The following GLDC variants were observed in gnomAD, a reference collection of about 807,000 sequenced individuals.
The protein encoded by GLDC is glycine dehydrogenase (decarboxylating), mitochondrial.
In GLDC, 104 loss-of-function variants were observed where a neutral mutation model predicts 121.3. The ratio of observed to expected loss-of-function variants is 0.86; its 90% CI spans 0.73 to 1.01. GLDC has a LOEUF of 1.01. Among genes scored for constraint, GLDC ranks in the 50% least tolerant of loss-of-function variants. The pLI is 0.00. For missense variants in GLDC, 1,429 were observed against 1,306.6 expected, an observed-to-expected ratio of 1.09 and a Z score of -1.44; for synonymous variants, 546 against 480.6, an observed-to-expected ratio of 1.14 and a Z score of -1.78.
At chr9:6,572,875 T>A (rs180784823) in intron 15 of GLDC, among the ~76,000 whole-genome samples, 2 of 152,338 alleles carry the variant, frequency 1.3e-5, no homozygotes, top group Admixed American at 6.5e-5. Context: ...TGGCACATAC[T>A]GTTAAATGTT....
At chr9:6,581,133 C>T (rs549364897) in intron 15 of GLDC, among the ~76,000 whole-genome samples, 1 of 152,312 alleles carries the variant, frequency 6.6e-6, no homozygotes, top group African/African-American at 2.4e-5. Context: ...GGGGTGAAGC[C>T]TTCAACAAAT....
chr9:6,537,814 G>GA (rs1331912722), intron 22 of GLDC, among the ~76,000 whole-genome samples: 2 of 151,926 alleles, frequency 1.3e-5, no homozygotes, highest in African/African-American at 2.4e-5. Flanking sequence ...CAGATGAGTT[G>GA]AAAGGACTGT....
At chr9:6,548,941 CCTT>C (rs1563832686) in intron 21 of GLDC, among the ~76,000 whole-genome samples, 2 of 152,150 alleles carry the variant, frequency 1.3e-5, no homozygotes, top group African/African-American at 4.8e-5. Flanking sequence ...GCCCCCTCCT[CCTT>C]CACTACCTGC....
chr9:6,563,716 G>A (rs1817800962), intron 16 of GLDC, among the ~76,000 whole-genome samples: 1 of 152,208 alleles, frequency 6.6e-6, no homozygotes, highest in Non-Finnish European at 1.5e-5. Flanking sequence ...AACTGTGGGG[G>A]AATTTCAGGG....
chr9:6,588,275 G>A, intron 14 of GLDC, 126 bp downstream of exon 14: 1 of 795,744 alleles, frequency 1.3e-6, no homozygotes, highest in Non-Finnish European at 2.3e-6. Flanking sequence ...GCAAGGTAAA[G>A]AATTATTAAA....
At chr9:6,556,786 T>A (rs533271335) in intron 17 of GLDC, among the ~76,000 whole-genome samples, 6 of 134,708 alleles carry the variant, frequency 4.5e-5, no homozygotes, top group Non-Finnish European at 7.8e-5. Context: ...AGAGAGAGAC[T>A]CCACGTCAAA....
intron 22 of GLDC, 77 bp downstream of exon 22, chr9:6,539,974 C>T (rs907092272): frequency 1.4e-5 from 13 of 923,192 alleles, no homozygotes; most frequent in Non-Finnish European, 2.4e-5. Flanking sequence ...ACTGTGGTGC[C>T]TGCATTTTCC....
rs749610517 is a variant in GLDC at position 6,536,016 on chromosome 9, T to C, written c.2838+48A>G. 2.6e-6 allele frequency: 4 copies of C among 1,512,184 alleles called. No homozygotes were observed. In the South Asian group the frequency reaches 4.5e-5, roughly 17 times the overall value. 93.7% of individuals were successfully genotyped at this position (1,512,184 alleles called of 1,614,324 possible). A position where few individuals can be genotyped will look rare whatever the true frequency, so the allele number is the denominator to read the frequency against. On this transcript the variant is annotated intron_variant, in intron 23 of 24. Coordinates refer to ENST00000321612, the MANE Select transcript of GLDC (RefSeq NM_000170.3). ...TTGCTGGTACACTGTCCAGACATCA[T>C]TTTCTAGTTTAAGGAACATTTCAAG... is the stretch of plus-strand genomic sequence containing the variant.
intron 15 of GLDC, among the ~76,000 whole-genome samples, chr9:6,568,303 T>C (rs939776152): frequency 6.6e-6 from 1 of 152,226 alleles, no homozygotes; most frequent in African/African-American, 2.4e-5. Context: ...TACTGGGGCA[T>C]TAGTAAAACA....
At chr9:6,607,079 T>A (rs186426965) in intron 4 of GLDC, among the ~76,000 whole-genome samples, 314 of 151,346 alleles carry the variant, frequency 2.1e-3, no homozygotes, top group African/African-American at 5.9e-3. Context: ...AAAAAAAATT[T>A]AAAAAAAAAT....
intron 8 of GLDC, among the ~76,000 whole-genome samples, chr9:6,595,735 A>T (rs1818482017): frequency 6.6e-6 from 1 of 152,172 alleles, no homozygotes; most frequent in Non-Finnish European, 1.5e-5. Context: ...CCAGAAGCCG[A>T]GATGGATCAC....
intron 14 of GLDC, 30 bp from the exon 15 acceptor site, chr9:6,587,313 A>T: frequency 6.6e-7 from 1 of 1,522,082 alleles, no homozygotes; most frequent in Non-Finnish European, 9.1e-7. Context: ...AAATGCATAT[A>T]TACATATTAT....
At chr9:6,600,559 C>G (rs529989736) in intron 8 of GLDC, among the ~76,000 whole-genome samples, 1 of 151,800 alleles carries the variant, frequency 6.6e-6, no homozygotes, top group Non-Finnish European at 1.5e-5. Context: ...AATTCCAGCT[C>G]TTTAGGAGGC....
At chr9:6,593,805 G>A (rs567023600) in intron 9 of GLDC, among the ~76,000 whole-genome samples, 1 of 150,880 alleles carries the variant, frequency 6.6e-6, no homozygotes, top group African/African-American at 2.4e-5. Context: ...CAATTCTCCT[G>A]CCTCAGCCTC....
intron 15 of GLDC, chr9:6,584,904 A>C (rs1347477105): frequency 6.6e-6 from 1 of 152,234 alleles, no homozygotes; most frequent in Non-Finnish European, 1.5e-5. Flanking sequence ...ACTGTCCATC[A>C]TATGAATGAG....
intron 2 of GLDC, among the ~76,000 whole-genome samples, chr9:6,639,911 T>C (rs1322379666): frequency 1.3e-5 from 2 of 152,094 alleles, no homozygotes; most frequent in Non-Finnish European, 2.9e-5. Context: ...TCCCTAACAA[T>C]TGGCCCCAAA....
At chr9:6,628,538 C>G (rs776518614) in intron 2 of GLDC, among the ~76,000 whole-genome samples, 13 of 152,208 alleles carry the variant, frequency 8.5e-5, no homozygotes, top group Admixed American at 3.9e-4. Context: ...GCCTGTTAAT[C>G]CCAGCACTTT....
chr9:6,597,539 TG>T (rs1418722749), intron 8 of GLDC, among the ~76,000 whole-genome samples: 1 of 151,652 alleles, frequency 6.6e-6, no homozygotes, highest in Non-Finnish European at 1.5e-5. Context: ...AATACTAGCC[TG>T]GGCAACAAAG....
intron 4 of GLDC, 69 bp downstream of exon 4, chr9:6,610,123 A>G (rs1316493084): frequency 5.2e-6 from 6 of 1,164,778 alleles, no homozygotes; most frequent in Admixed American, 2.0e-5. Flanking sequence ...ACAATATACT[A>G]TAGAAAGAAA....
Sources: allele counts gnomAD v4.1 joint callset (sites outside exome capture counted in the v4.1 genomes callset), GRCh38; gene constraint gnomAD v4.1.1; transcripts MANE v1.5; gene names NCBI Gene and HGNC (gene_info 2026-07-23, HGNC 2026-07-21).